PDIA5: variants seen among roughly 807,000 people sequenced by gnomAD.
The protein encoded by PDIA5 is protein disulfide-isomerase A5.
In PDIA5, 58 loss-of-function variants were observed where a neutral mutation model predicts 77.6. That is an observed-to-expected ratio of 0.75 (90% confidence interval 0.61 to 0.93). The LOEUF (loss-of-function observed/expected upper bound fraction) is 0.93, where lower values mean the gene tolerates loss of function less well. PDIA5 is among the 40% of genes least tolerant of loss of function. The pLI, the probability that PDIA5 is intolerant of heterozygous loss-of-function variation, is 0.00. For missense variants in PDIA5, 630 were observed against 647.7 expected, an observed-to-expected ratio of 0.97 and a Z score of 0.30; for synonymous variants, 250 against 252.1, an observed-to-expected ratio of 0.99 and a Z score of 0.08.
chr3:123,116,339 TG>T, intron 8 of PDIA5, 41 bp downstream of exon 8: 1 of 1,551,846 alleles, frequency 6.4e-7, no homozygotes. Context: ...GGGTCACTCT[TG>T]GACTTGGCGG....
chr3:123,098,709 G>A (rs951335782), intron 3 of PDIA5, among the ~76,000 whole-genome samples: 1 of 152,210 alleles, frequency 6.6e-6, no homozygotes, highest in African/African-American at 2.4e-5. Context: ...TTGGAACAGT[G>A]GTGAGTAAAT....
At chr3:123,095,413 A>T (rs1180742530) in intron 3 of PDIA5, among the ~76,000 whole-genome samples, 1 of 152,092 alleles carries the variant, frequency 6.6e-6, no homozygotes, top group Non-Finnish European at 1.5e-5. Flanking sequence ...TGGGCATGGG[A>T]GTGAGCCCCA....
chr3:123,106,874 T>TTCCA, intron 6 of PDIA5, 33 bp downstream of exon 6: 2 of 1,460,516 alleles, frequency 1.4e-6, no homozygotes, highest in Non-Finnish European at 1.9e-6. Context: ...TGATGGATGC[T>TTCCA]GGAAGCTTCC....
chr3:123,070,767 C>T (rs866324021), intron 1 of PDIA5, among the ~76,000 whole-genome samples: 1 of 152,170 alleles, frequency 6.6e-6, no homozygotes, highest in Non-Finnish European at 1.5e-5. Flanking sequence ...GCCGTCCATG[C>T]TGATTGTCCT....
chr3:123,076,087 C>T (rs1933850372), intron 1 of PDIA5, among the ~76,000 whole-genome samples: 3 of 152,076 alleles, frequency 2.0e-5, no homozygotes, highest in Non-Finnish European at 4.4e-5. Context: ...CTCTTTTCAG[C>T]AGGTCACGCT....
chr3:123,101,394 C>T (rs1028627405), intron 3 of PDIA5, among the ~76,000 whole-genome samples: 1 of 152,126 alleles, frequency 6.6e-6, no homozygotes, highest in Non-Finnish European at 1.5e-5. Flanking sequence ...GGCAGGGCAC[C>T]AAGATGAGAT....
intron 1 of PDIA5, among the ~76,000 whole-genome samples, chr3:123,075,992 T>C (rs1405296118): frequency 6.6e-6 from 1 of 152,224 alleles, no homozygotes; most frequent in Non-Finnish European, 1.5e-5. Context: ...TCACTTGGCC[T>C]GAGCATGTGC....
At chr3:123,156,544 C>T (rs1324030471) in intron 15 of PDIA5, among the ~76,000 whole-genome samples, 1 of 152,202 alleles carries the variant, frequency 6.6e-6, no homozygotes, top group African/African-American at 2.4e-5. Context: ...GCCTGGGCTG[C>T]CAGTCCACAG....
chr3:123,132,336 A>G (rs546511451), intron 11 of PDIA5, among the ~76,000 whole-genome samples: 1 of 152,284 alleles, frequency 6.6e-6, no homozygotes, highest in Admixed American at 6.5e-5. Flanking sequence ...ACATACTCTT[A>G]CCATGGATTT....
chr3:123,087,211 T>A (rs1189250680), intron 1 of PDIA5, among the ~76,000 whole-genome samples: 1 of 152,306 alleles, frequency 6.6e-6, no homozygotes, highest in East Asian at 1.9e-4. Flanking sequence ...AGATTGAGTC[T>A]CACTGTTGCC....
intron 1 of PDIA5, among the ~76,000 whole-genome samples, chr3:123,072,375 G>GA (rs1933744488): frequency 1.3e-5 from 2 of 152,220 alleles, no homozygotes; most frequent in Admixed American, 1.3e-4. Context: ...CTTGGCACGT[G>GA]AAAGTGCCCA....
At chr3:123,132,834 C>T (rs976678813) in intron 11 of PDIA5, among the ~76,000 whole-genome samples, 4 of 152,220 alleles carry the variant, frequency 2.6e-5, no homozygotes, top group Non-Finnish European at 5.9e-5. Flanking sequence ...CCAGGGTCTT[C>T]ATCCCCATGT....
chr3:123,130,671 T>C (rs1236105759), intron 11 of PDIA5, 55 bp downstream of exon 11: 1 of 1,590,474 alleles, frequency 6.3e-7, no homozygotes, highest in African/African-American at 1.3e-5. Flanking sequence ...CAGAGTAGGA[T>C]GAGTGTGGCG....
At chr3:123,135,859 CT>C (rs374372363) in intron 11 of PDIA5, among the ~76,000 whole-genome samples, 4,330 of 133,236 alleles carry the variant, frequency 0.032, 180 homozygotes, top group African/African-American at 0.1. Flanking sequence ...TAAAATCGAC[CT>C]TTTTTTTTTT....
chr3:123,136,749 A>AAAAG (rs1560545915), intron 11 of PDIA5, among the ~76,000 whole-genome samples: 10 of 127,102 alleles, frequency 7.9e-5, no homozygotes, highest in African/African-American at 3.0e-4. Flanking sequence ...AAAAAAAAAA[A>AAAAG]GGGGGTTGGG....
chr3:123,107,181 G>GT (rs1165318954), intron 6 of PDIA5, among the ~76,000 whole-genome samples: 2 of 151,968 alleles, frequency 1.3e-5, no homozygotes, highest in African/African-American at 2.4e-5. Flanking sequence ...TTTACATCTT[G>GT]TTTTTTTGTT....
At chr3:123,074,837 C>T (rs192062947) in intron 1 of PDIA5, among the ~76,000 whole-genome samples, 75 of 152,224 alleles carry the variant, frequency 4.9e-4, no homozygotes, top group African/African-American at 1.7e-3. Context: ...AATTCGTAGA[C>T]TACAGTGGAA....
chr3:123,084,618 A>G (rs1262487123), intron 1 of PDIA5, among the ~76,000 whole-genome samples: 2 of 151,646 alleles, frequency 1.3e-5, no homozygotes, highest in African/African-American at 2.4e-5. Flanking sequence ...ACCTGAGCCT[A>G]TTATCATCTT....
chr3:123,072,245 C>T (rs1483656226), intron 1 of PDIA5, among the ~76,000 whole-genome samples: 1 of 152,196 alleles, frequency 6.6e-6, no homozygotes, highest in African/African-American at 2.4e-5. Flanking sequence ...CAGCTAGACA[C>T]TCAGGAGCTG....
Sources: gnomAD v4.1 joint callset for allele counts (sites outside exome capture counted in the v4.1 genomes callset) on GRCh38, gnomAD v4.1.1 for gene constraint, MANE v1.5 for transcripts, NCBI Gene and HGNC (gene_info 2026-07-23, HGNC 2026-07-21) for gene names.